Variants in ATP8B4 observed in about 807,000 individuals in gnomAD.
ATP8B4 encodes probable phospholipid-transporting ATPase IM.
ATP8B4 carries 133 observed loss-of-function variants against 145.6 expected under a neutral mutation model. The ratio of observed to expected loss-of-function variants is 0.91; its 90% CI spans 0.79 to 1.05. The LOEUF is 1.05. Among genes scored for constraint, ATP8B4 ranks in the 50% least tolerant of loss-of-function variants. ATP8B4 has a pLI of 0.00. For missense variants in ATP8B4, 1,458 were observed against 1,425.2 expected, an observed-to-expected ratio of 1.02 and a Z score of -0.37; for synonymous variants, 507 against 492.9, an observed-to-expected ratio of 1.03 and a Z score of -0.38.
intron 23 of ATP8B4, among the ~76,000 whole-genome samples, chr15:49,890,241 T>C (rs1251653027): frequency 6.6e-6 from 1 of 152,174 alleles, no homozygotes; most frequent in Non-Finnish European, 1.5e-5. Flanking sequence ...TTGGACAATA[T>C]GTGTGAGAGT....
intron 2 of ATP8B4, among the ~76,000 whole-genome samples, chr15:50,099,682 T>C (rs759997156): frequency 6.6e-6 from 1 of 152,180 alleles, no homozygotes; most frequent in Non-Finnish European, 1.5e-5. Context: ...TAATCATAAA[T>C]AGACTGTAAT....
chr15:49,905,187 G>A (rs968216511), intron 20 of ATP8B4, among the ~76,000 whole-genome samples: 10 of 152,148 alleles, frequency 6.6e-5, no homozygotes, highest in East Asian at 1.9e-4. Flanking sequence ...GAAACAAGCC[G>A]TATGTATGAT....
chr15:50,096,693 T>G (rs1436785326), intron 2 of ATP8B4, among the ~76,000 whole-genome samples: 3 of 152,162 alleles, frequency 2.0e-5, no homozygotes, highest in Non-Finnish European at 4.4e-5. Context: ...CCTGCAATAT[T>G]TATAACAAGC....
At chr15:49,980,095 G>A (rs934269724) in intron 11 of ATP8B4, among the ~76,000 whole-genome samples, 7 of 152,156 alleles carry the variant, frequency 4.6e-5, no homozygotes, top group African/African-American at 1.4e-4. Context: ...GAAAGACTAT[G>A]TAACTTGTCT....
At chr15:50,087,387 T>G (rs1050779896) in intron 2 of ATP8B4, among the ~76,000 whole-genome samples, 19 of 142,352 alleles carry the variant, frequency 1.3e-4, no homozygotes, top group African/African-American at 5.0e-4. Flanking sequence ...TAGATATATA[T>G]TATACATATC....
At chr15:50,141,043 A>G (rs1420034847) in intron 1 of ATP8B4, among the ~76,000 whole-genome samples, 1 of 152,016 alleles carries the variant, frequency 6.6e-6, no homozygotes, top group Non-Finnish European at 1.5e-5. Context: ...CCCCACCCCA[A>G]TATCTGTGAC....
At chr15:50,048,908 C>T (rs2051947960) in intron 3 of ATP8B4, among the ~76,000 whole-genome samples, 1 of 152,072 alleles carries the variant, frequency 6.6e-6, no homozygotes, top group Non-Finnish European at 1.5e-5. Context: ...ATCACCAGCC[C>T]ACACATGCAC....
chr15:49,919,380 A>C (rs2040040527), intron 18 of ATP8B4, among the ~76,000 whole-genome samples: 1 of 152,054 alleles, frequency 6.6e-6, no homozygotes, highest in Non-Finnish European at 1.5e-5. Flanking sequence ...GACGCCATAA[A>C]CTAAAGTGAA....
chr15:49,876,286 T>G lies in ATP8B4; in HGVS notation c.3019A>C (p.Ser1007Arg), dbSNP rs764438473. 6.2e-7 allele frequency: 1 copy of G among 1,614,058 alleles called. No individual in the cohort carries two copies. Among genetic ancestry groups the G allele is most frequent in the South Asian group, 1.1e-5 (1 of 91,084 alleles). Residue 1007 changes from serine (S) to arginine (R), a missense_variant, in exon 25 of 28, where the codon AGT (serine) becomes CGT (arginine). Coordinates refer to ENST00000284509, the MANE Select transcript of ATP8B4 (RefSeq NM_024837.4). ...TMATSLVIVV[S>R]VQIALDTSYW... ...TACACCGACAGCGTTACCTGCACACTGACCACAATGACCAAAGATGTGGCC... is the reference window on the plus strand; with the variant it reads ...TACACCGACAGCGTTACCTGCACACGGACCACAATGACCAAAGATGTGGCC...
intron 9 of ATP8B4, among the ~76,000 whole-genome samples, chr15:49,988,081 C>G (rs546841925): frequency 6.6e-6 from 1 of 152,150 alleles, no homozygotes; most frequent in Non-Finnish European, 1.5e-5. Context: ...TCTGAGAATG[C>G]GTGTGATTCC....
At chr15:50,118,998 G>T (rs1164353424) in intron 1 of ATP8B4, 125 bp downstream of exon 1, 1 of 152,098 alleles carries the variant, frequency 6.6e-6, no homozygotes, top group Non-Finnish European at 1.5e-5. Context: ...TGAAACCTTA[G>T]TCACCAAGAT....
intron 1 of ATP8B4, among the ~76,000 whole-genome samples, chr15:50,141,266 C>T (rs1258369911): frequency 1.3e-5 from 2 of 151,992 alleles, no homozygotes; most frequent in South Asian, 2.1e-4. Flanking sequence ...GTGATGCTAA[C>T]TGATTAATAC....
chr15:50,144,214 T>A (rs992756676), intron 1 of ATP8B4, among the ~76,000 whole-genome samples: 1 of 152,120 alleles, frequency 6.6e-6, no homozygotes, highest in Non-Finnish European at 1.5e-5. Context: ...TTTCCCAGTA[T>A]GAAAAGCCTA....
chr15:49,883,457 C>T (rs1459770794), intron 23 of ATP8B4: 1 of 152,130 alleles, frequency 6.6e-6, no homozygotes, highest in Non-Finnish European at 1.5e-5. Flanking sequence ...TGCAAATTCT[C>T]AGAAGTTTTG....
intron 1 of ATP8B4, among the ~76,000 whole-genome samples, chr15:50,125,942 C>T (rs1408549482): frequency 6.6e-6 from 1 of 152,102 alleles, no homozygotes; most frequent in African/African-American, 2.4e-5. Context: ...CCAAATAAAC[C>T]CTCTAGTTAT....
chr15:49,911,384 A>G (rs1028231991), intron 20 of ATP8B4, among the ~76,000 whole-genome samples: 1 of 152,152 alleles, frequency 6.6e-6, no homozygotes, highest in Non-Finnish European at 1.5e-5. Context: ...CTTATATCAG[A>G]TACAAGACAC....
chr15:49,870,382 T>C (rs2033497288), intron 25 of ATP8B4, among the ~76,000 whole-genome samples: 1 of 152,224 alleles, frequency 6.6e-6, no homozygotes. Context: ...GAAAGGAAGA[T>C]GGTTCATTTT....
chr15:49,977,147 T>A (rs1469032161), intron 12 of ATP8B4, among the ~76,000 whole-genome samples: 1 of 152,170 alleles, frequency 6.6e-6, no homozygotes, highest in Non-Finnish European at 1.5e-5. Flanking sequence ...ACTGAACTTC[T>A]ATCCTCAAGT....
At chr15:49,951,126 C>T (rs973668354) in intron 14 of ATP8B4, among the ~76,000 whole-genome samples, 1 of 152,098 alleles carries the variant, frequency 6.6e-6, no homozygotes, top group African/African-American at 2.4e-5. Flanking sequence ...ATTATGTGTT[C>T]AATTTTAGAA....
Sources: gnomAD v4.1 joint callset for allele counts (sites outside exome capture counted in the v4.1 genomes callset) on GRCh38, gnomAD v4.1.1 for gene constraint, MANE v1.5 for transcripts, NCBI Gene and HGNC (gene_info 2026-07-23, HGNC 2026-07-21) for gene names.